The following CARF variants were observed in gnomAD, a reference collection of about 807,000 sequenced individuals.
CARF encodes the protein calcium-responsive transcription factor.
Under a neutral mutation model 82.0 loss-of-function variants are expected in CARF, and 57 were observed. The ratio of observed to expected loss-of-function variants is 0.70; its 90% CI spans 0.56 to 0.87. The LOEUF (loss-of-function observed/expected upper bound fraction) is 0.87. Among genes scored for constraint, CARF ranks in the 40% least tolerant of loss-of-function variants. The probability of loss-of-function intolerance (pLI) is 0.00; values close to 1 mark genes in which losing one functional copy is unlikely to be tolerated. For missense variants in CARF, 771 were observed against 855.8 expected (o/e 0.90, Z 1.24); for synonymous variants, 268 against 290.1 (o/e 0.92, Z 0.77).
intron 5 of CARF, among the ~76,000 whole-genome samples, chr2:202,950,238 A>G (rs2058694429): frequency 6.6e-6 from 1 of 152,210 alleles, no homozygotes; most frequent in Admixed American, 6.5e-5. Context: ...ACTTTTATCT[A>G]CTATGCTTGG....
chr2:202,930,551 A>C (rs1390114712), intron 3 of CARF, among the ~76,000 whole-genome samples: 1 of 152,156 alleles, frequency 6.6e-6, no homozygotes, highest in Non-Finnish European at 1.5e-5. Context: ...CTTCAGCAGC[A>C]GGATTTTTGT....
At chr2:202,973,993 C>G (rs2059922935) in intron 12 of CARF, among the ~76,000 whole-genome samples, 1 of 152,190 alleles carries the variant, frequency 6.6e-6, no homozygotes, top group Admixed American at 6.5e-5. Context: ...GAGGCTGAGG[C>G]AGGAGAATCG....
In CARF at chr2:202,942,930, A is replaced by G. The variant is rs1457032233; in HGVS notation, c.269A>G (p.Tyr90Cys). The change falls in exon 5 of 17, where the codon TAT (tyrosine) becomes TGT (cysteine). Residue 90 changes from tyrosine to cysteine, a missense_variant. Coordinates refer to ENST00000438828, the MANE Select transcript of CARF (RefSeq NM_024744.17). ...GACCAAAATGGGCAGGCTATTCAAT[A>G]TGAACTTCAGTCATTGGGGGAATCC... ...LVDQNGQAIQ[Y>C]ELQSLGESNA... 5.6e-6 allele frequency: 9 copies of G among 1,614,046 alleles called. No individual in the cohort carries two copies. The highest frequency in any genetic ancestry group is 7.6e-6 in the Non-Finnish European group (9 of 1,180,022).
chr2:202,987,992 C>T lies in CARF; in HGVS notation c.*4368C>T, dbSNP rs765928560. ...CCTTCTTACTTAATCCTCCTTGCCA[C>T]CCCACCATCACCAGACCACTGATCT... On this transcript the variant is annotated 3_prime_UTR_variant, in exon 17 of 17. Coordinates refer to ENST00000438828, the MANE Select transcript of CARF (RefSeq NM_024744.17). 2.0e-5 allele frequency among the ~76,000 whole-genome samples: 3 copies of T among 152,162 alleles called. No individual in the cohort carries two copies. Among genetic ancestry groups the T allele is most frequent in the Non-Finnish European group, 4.4e-5 (3 of 68,018 alleles).
intron 10 of CARF, among the ~76,000 whole-genome samples, chr2:202,968,413 A>AGGG (rs2059642004): frequency 2.6e-5 from 4 of 152,162 alleles, no homozygotes; most frequent in Non-Finnish European, 5.9e-5. Flanking sequence ...AAAAAATAAA[A>AGGG]TAAAATAAAT....
intron 12 of CARF, chr2:202,973,501 TATTA>T (rs1180833874): frequency 9.4e-6 from 4 of 427,592 alleles, no homozygotes; most frequent in Non-Finnish European, 1.8e-5. Flanking sequence ...TTTCATATAA[TATTA>T]ATTGATACTT....
At chr2:202,978,677 A>G (rs1254661323) in intron 14 of CARF, among the ~76,000 whole-genome samples, 4 of 152,190 alleles carry the variant, frequency 2.6e-5, no homozygotes, top group African/African-American at 9.7e-5. Flanking sequence ...TTTCTTTTTC[A>G]GTGGCACTCA....
intron 3 of CARF, among the ~76,000 whole-genome samples, chr2:202,934,026 A>G (rs1413385386): frequency 2.6e-5 from 4 of 152,168 alleles, no homozygotes; most frequent in African/African-American, 9.7e-5. Context: ...CACATAAAAT[A>G]CACTAATGTT....
At chr2:202,972,884 T>C (rs2059858883) in intron 12 of CARF, among the ~76,000 whole-genome samples, 1 of 152,108 alleles carries the variant, frequency 6.6e-6, no homozygotes, top group Non-Finnish European at 1.5e-5. Context: ...CAAAAGGAAA[T>C]ACAGCAGGTC....
chr2:202,943,222 C>T (rs896295803), intron 5 of CARF, among the ~76,000 whole-genome samples: 5 of 152,088 alleles, frequency 3.3e-5, no homozygotes, highest in East Asian at 1.9e-4. Context: ...CAGGTGCCCA[C>T]GACCACACCT....
chr2:202,944,764 T>C (rs1331798512), intron 5 of CARF, among the ~76,000 whole-genome samples: 1 of 150,582 alleles, frequency 6.6e-6, no homozygotes, highest in African/African-American at 2.4e-5. Flanking sequence ...TTTATTCTAG[T>C]TTCTATCAGA....
chr2:202,977,154 G>A, intron 13 of CARF, 115 bp from the exon 14 acceptor site: 1 of 723,206 alleles, frequency 1.4e-6, no homozygotes, highest in Non-Finnish European at 2.4e-6. Context: ...AGTGAAGAGA[G>A]TAGTTGCAGA....
intron 11 of CARF, among the ~76,000 whole-genome samples, chr2:202,970,614 A>G (rs747897340): frequency 6.6e-6 from 1 of 152,170 alleles, no homozygotes; most frequent in African/African-American, 2.4e-5. Context: ...ATTTAAGTGT[A>G]TGGAATATCG....
At chr2:202,926,850 T>G (rs970001132) in intron 3 of CARF, among the ~76,000 whole-genome samples, 1 of 152,182 alleles carries the variant, frequency 6.6e-6, no homozygotes, top group Admixed American at 6.5e-5. Flanking sequence ...TGAGACAGGG[T>G]CTTGCTCTGT....
intron 3 of CARF, among the ~76,000 whole-genome samples, chr2:202,926,333 A>T (rs1691816966): frequency 6.6e-6 from 1 of 152,208 alleles, no homozygotes; most frequent in Admixed American, 6.5e-5. Context: ...CAAAATTTTA[A>T]AAACAGACAA....
chr2:202,961,688 C>A, intron 9 of CARF: 1 of 466,956 alleles, frequency 2.1e-6, no homozygotes, highest in Non-Finnish European at 3.7e-6. Flanking sequence ...TTCCATTAAA[C>A]CTATTTAATA....
intron 5 of CARF, among the ~76,000 whole-genome samples, chr2:202,945,428 T>C (rs2058449877): frequency 6.6e-6 from 1 of 152,190 alleles, no homozygotes; most frequent in Non-Finnish European, 1.5e-5. Context: ...TTAGGCCTAG[T>C]ACCCAATAGT....
chr2:202,952,569 C>G lies in CARF; in HGVS notation c.317C>G (p.Ala106Gly), dbSNP rs1574649315. ...TTTAATGCTTCCAAGATGATCGTTG[C>G]CAGCCCAACAGAAAATGGACAGGTA... The part of the protein sequence containing the change: ...GESNAQMMIV[A>G]SPTENGQVLR... Residue 106 changes from alanine (A) to glycine (G), a missense_variant, in exon 6 of 17, where the codon GCC becomes GGC. Transcript: ENST00000438828. The G allele has an allele frequency of 6.2e-7, 1 of 1,612,834 alleles. No homozygotes were observed. Among genetic ancestry groups the G allele is most frequent in the East Asian group, 2.2e-5 (1 of 44,836 alleles).
chr2:202,928,538 G>C (rs1036418761), intron 3 of CARF, among the ~76,000 whole-genome samples: 1 of 152,026 alleles, frequency 6.6e-6, no homozygotes, highest in African/African-American at 2.4e-5. Context: ...AGTTTTTTGA[G>C]TAATCTCTAT....
Sources: gnomAD v4.1 joint callset for allele counts (sites outside exome capture counted in the v4.1 genomes callset) on GRCh38, gnomAD v4.1.1 for gene constraint, MANE v1.5 for transcripts, NCBI Gene and HGNC (gene_info 2026-07-23, HGNC 2026-07-21) for gene names.